LBX2: variants seen among roughly 807,000 people sequenced by gnomAD.
The protein encoded by LBX2 is transcription factor LBX2.
Under a neutral mutation model 7.5 loss-of-function variants are expected in LBX2, and 6 were observed. The ratio of observed to expected loss-of-function variants is 0.80; its 90% CI spans 0.44 to 1.59. LBX2 has a LOEUF of 1.59. LBX2 is among the 40% of genes most tolerant of loss of function. LBX2 has a pLI of 0.01. For missense variants in LBX2, 281 were observed against 282.0 expected (o/e 1.00, Z 0.03); for synonymous variants, 143 against 133.2 (o/e 1.07, Z -0.51).
upstream of LBX2, chr2:74,502,728 G>A (rs750980355): frequency 1.9e-6 from 3 of 1,613,968 alleles, no homozygotes; most frequent in East Asian, 2.2e-5. The surrounding 1 kb of genome is among the most constrained non-coding windows in gnomAD (Gnocchi z 5.4). Flanking sequence ...AAAGATCTCT[G>A]CGCGCCCACC....
Position 74,497,613 on chromosome 2 carries a change from C to A in LBX2, c.*314G>T. 3.3e-6 allele frequency: 1 copy of A among 302,366 alleles called. No homozygotes were observed. The highest frequency in any genetic ancestry group is 6.0e-6 in the Non-Finnish European group (1 of 165,488). The allele number at this position is 302,366 out of a possible 1,614,324, so 18.7% of individuals were successfully genotyped here. ...TAAAAAAAAAAGTTTTTTAAATTAG[C>A]CTGGGGTGGTGCTGCACGCCTGTAA... On this transcript the variant is annotated 3_prime_UTR_variant, in exon 2 of 2. Transcript: ENST00000377566.
At position 74,499,381 on chromosome 2, in the gene LBX2, T is replaced by TA; in HGVS notation, c.156dup (p.Ser53Ter). ...GCGTCAAGTCCGCGGAAAGTTTTAC[T>TA]AGTCAGCTCCTCCAGCGCGCACAGC... On this transcript the variant is annotated frameshift_variant, in exon 1 of 2. Transcript: ENST00000377566. LOFTEE classifies it low-confidence loss of function (END_TRUNC). This position sits in a 1 kb window ranked among gnomAD's most constrained non-coding sequence, Gnocchi z 4.6. 6.4e-7 allele frequency: 1 copy of TA among 1,550,598 alleles called. No homozygotes were observed. The highest frequency in any genetic ancestry group is 8.7e-7 in the Non-Finnish European group (1 of 1,146,988).
At chr2:74,500,831 G>A (rs1023186796), upstream of LBX2, among the ~76,000 whole-genome samples, 1 of 152,198 alleles carries the variant, frequency 6.6e-6, no homozygotes, top group African/African-American at 2.4e-5. Context: ...CTGCTTTGCT[G>A]CCCAGGGAAG....
chr2:74,499,708 C>G, upstream of LBX2: 1 of 664,176 alleles, frequency 1.5e-6, no homozygotes, highest in Non-Finnish European at 2.5e-6. The surrounding 1 kb of genome is among the most constrained non-coding windows in gnomAD (Gnocchi z 4.6). Context: ...CCCCGGGCCG[C>G]GGTGGATCTG....
At position 74,499,407 on chromosome 2, in the gene LBX2, G is replaced by C. The variant is rs1027288439; in HGVS notation, c.131C>G (p.Pro44Arg). The C allele has an allele frequency of 1.0e-5, 16 of 1,550,530 alleles. No individual in the cohort carries two copies. The highest frequency in any genetic ancestry group is 1.7e-4 in the Middle Eastern group (1 of 6,014). The change falls in exon 1 of 2, where the codon CCG (proline) becomes CGG (arginine). Residue 44 changes from proline to arginine, a missense_variant. By Grantham distance (103) the Pro-to-Arg change is moderately radical. This residue lies in a region of LBX2 where 216 missense variants were observed against 208.7 expected (regional missense o/e 1.03). Coordinates refer to ENST00000377566, the MANE Select transcript of LBX2 (RefSeq NM_001282430.2). The surrounding 1 kb of genome is among the most constrained non-coding windows in gnomAD (Gnocchi z 4.6). ...LPESGPGPTS[P>R]LCALEELTSK... ...AGTCAGCTCCTCCAGCGCGCACAGC[G>C]GCGACGTTGGACCCGGACCCGACTC... is the stretch of plus-strand genomic sequence containing the variant.
In LBX2 at chr2:74,499,175, G is replaced by T; in HGVS notation, c.205+158C>A. The T allele has an allele frequency of 1.5e-6, 1 of 672,126 alleles. No individual in the cohort carries two copies. Among genetic ancestry groups the T allele is most frequent in the Non-Finnish European group, 2.6e-6 (1 of 390,336 alleles). 41.6% of individuals were successfully genotyped at this position (672,126 alleles called of 1,614,324 possible). A position where few individuals can be genotyped will look rare whatever the true frequency, so the allele number is the denominator to read the frequency against. Reference sequence around the variant, plus strand: ...GAACCTAGGGACTAACGGAGGAGAGGTGAGAAGTCGCAGGTGCGAGTCCTG... The same window carrying T: ...GAACCTAGGGACTAACGGAGGAGAGTTGAGAAGTCGCAGGTGCGAGTCCTG... On this transcript the variant is annotated intron_variant, in intron 1 of 1. Coordinates refer to ENST00000377566, the MANE Select transcript of LBX2 (RefSeq NM_001282430.2). This position sits in a 1 kb window ranked among gnomAD's most constrained non-coding sequence, Gnocchi z 4.6.
chr2:74,498,335 G>A lies in LBX2; in HGVS notation c.206-17C>T. Reference sequence around the variant, plus strand: ...CTGCCCGCCCTGTAGGGATAGGGAGGGGGTCAGTTTCCAGCCTCCGGGAAT... The same window carrying A: ...CTGCCCGCCCTGTAGGGATAGGGAGAGGGTCAGTTTCCAGCCTCCGGGAAT... On this transcript the variant is annotated splice_polypyrimidine_tract_variant and intron_variant, in intron 1 of 1. Transcript: ENST00000377566. The A allele has an allele frequency of 1.3e-6, 2 of 1,491,546 alleles. No individual in the cohort carries two copies. Among genetic ancestry groups the A allele is most frequent in the Non-Finnish European group, 1.8e-6 (2 of 1,125,166 alleles). The allele number at this position is 1,491,546 out of a possible 1,614,324, so 92.4% of individuals were successfully genotyped here.
At chr2:74,498,539 G>T in intron 1 of LBX2, 2 of 567,442 alleles carry the variant, frequency 3.5e-6, no homozygotes, top group Non-Finnish European at 6.2e-6. Context: ...AAGGCAGCAG[G>T]CTGAGGGCAT....
upstream of LBX2, chr2:74,499,742 G>T: frequency 1.6e-6 from 1 of 611,960 alleles, no homozygotes; most frequent in Non-Finnish European, 2.9e-6. The surrounding 1 kb of genome is among the most constrained non-coding windows in gnomAD (Gnocchi z 4.6). Context: ...TCCGGGGAGG[G>T]TATTTCTACA....
upstream of LBX2, chr2:74,502,583 C>T: frequency 1.5e-6 from 2 of 1,368,024 alleles, no homozygotes; most frequent in Non-Finnish European, 1.0e-6. The surrounding 1 kb of genome is among the most constrained non-coding windows in gnomAD (Gnocchi z 5.4). Flanking sequence ...GGCTTCCGTC[C>T]GTCCCGCACA....
chr2:74,502,518 T>C, upstream of LBX2: 1 of 730,886 alleles, frequency 1.4e-6, no homozygotes, highest in South Asian at 1.8e-5. The surrounding 1 kb of genome is among the most constrained non-coding windows in gnomAD (Gnocchi z 5.4). Context: ...TGAACCGGAG[T>C]GAGAGGGCAG....
upstream of LBX2, among the ~76,000 whole-genome samples, chr2:74,500,985 G>A (rs573541168): frequency 2.4e-4 from 36 of 152,234 alleles, no homozygotes; most frequent in African/African-American, 8.2e-4. Flanking sequence ...CTATTCCCTG[G>A]GGCAACTGCT....
Position 74,498,164 on chromosome 2 carries a change from C to G in LBX2, c.360G>C (p.Thr120=), listed in dbSNP as rs1166562780. 1 of 1,612,488 alleles carries G rather than the reference C, an allele frequency of 6.2e-7. No homozygotes were observed. The highest frequency in any genetic ancestry group is 8.5e-7 in the Non-Finnish European group (1 of 1,179,344). Residue 120 remains threonine, a synonymous_variant, in exon 2 of 2, where the codon ACG becomes ACC. Transcript: ENST00000377566. ...CCTGCGCGTTGGCCAGGCCGAGTCGCGTAGCTAGCCCGTCTCGCTCGGACG... is the reference window on the plus strand; with the variant it reads ...CCTGCGCGTTGGCCAGGCCGAGTCGGGTAGCTAGCCCGTCTCGCTCGGACG... The part of the protein sequence containing the change: ...LAPSERDGLA[T]RLGLANAQVV...
At chr2:74,498,415 G>C in intron 1 of LBX2, 97 bp from the exon 2 acceptor site, 1 of 907,754 alleles carries the variant, frequency 1.1e-6, no homozygotes, top group Non-Finnish European at 1.6e-6. Context: ...TGGCGGTGGG[G>C]GAAGTAGAGG....
At chr2:74,502,789 C>T (rs767955995), upstream of LBX2, 2 of 1,614,044 alleles carry the variant, frequency 1.2e-6, no homozygotes, top group South Asian at 1.1e-5. This position sits in a 1 kb window ranked among gnomAD's most constrained non-coding sequence, Gnocchi z 5.4. Context: ...TGGGAAACTC[C>T]GACGCCCTCC....
upstream of LBX2, chr2:74,499,793 C>T: frequency 3.5e-6 from 2 of 567,298 alleles, no homozygotes; most frequent in Admixed American, 3.1e-5. This position sits in a 1 kb window ranked among gnomAD's most constrained non-coding sequence, Gnocchi z 4.6. Flanking sequence ...ACCAAACTAC[C>T]CACCAGAGCA....
chr2:74,500,345 G>A (rs988798753), upstream of LBX2, among the ~76,000 whole-genome samples: 6 of 152,160 alleles, frequency 3.9e-5, no homozygotes, highest in Non-Finnish European at 8.8e-5. Context: ...CTTTGTCAGT[G>A]AGGACTGGCA....
Position 74,499,014 on chromosome 2 carries a change from G to A in LBX2, c.205+319C>T. On this transcript the variant is annotated intron_variant, in intron 1 of 1. Coordinates refer to ENST00000377566, the MANE Select transcript of LBX2 (RefSeq NM_001282430.2). This position sits in a 1 kb window ranked among gnomAD's most constrained non-coding sequence, Gnocchi z 4.6. ...GCTCACTCGTTTACCGCCTGCGGCTGAAGCCTTTTGTCTCTTTCTCTCCTG... is the reference window on the plus strand; with the variant it reads ...GCTCACTCGTTTACCGCCTGCGGCTAAAGCCTTTTGTCTCTTTCTCTCCTG... The A allele has an allele frequency of 2.5e-6, 1 of 407,594 alleles. No individual in the cohort carries two copies. The highest frequency in any genetic ancestry group is 4.3e-5 in the East Asian group (1 of 23,504). 25.2% of individuals were successfully genotyped at this position (407,594 alleles called of 1,614,324 possible). A position where few individuals can be genotyped will look rare whatever the true frequency, so the allele number is the denominator to read the frequency against.
chr2:74,498,144 G>T lies in LBX2; in HGVS notation c.380C>A (p.Ala127Glu), dbSNP rs752622328. The T allele has an allele frequency of 1.2e-6, 2 of 1,612,004 alleles. No homozygotes were observed. Among genetic ancestry groups the T allele is most frequent in the Middle Eastern group, 3.3e-4 (2 of 6,052 alleles). Residue 127 changes from alanine to glutamate, a missense_variant, in exon 2 of 2, where the codon GCG becomes GAG. By Grantham distance (107) the Ala-to-Glu change is moderately radical. This residue lies in a region of LBX2 where 216 missense variants were observed against 208.7 expected (regional missense o/e 1.03). Coordinates refer to ENST00000377566, the MANE Select transcript of LBX2 (RefSeq NM_001282430.2). ...GLATRLGLAN[A>E]QVVTWFQNRR... is the part of the protein sequence containing the mutation. ...GTTCTGGAACCAAGTGACCACCTGC[G>T]CGTTGGCCAGGCCGAGTCGCGTAGC...
Sources: gnomAD v4.1 joint callset for allele counts (sites outside exome capture counted in the v4.1 genomes callset) on GRCh38, gnomAD v4.1.1 for gene constraint, gnomAD v4.1.1 regional missense constraint, Gnocchi (gnomAD v3.1) non-coding constraint, MANE v1.5 for transcripts, NCBI Gene and HGNC (gene_info 2026-07-23, HGNC 2026-07-21) for gene names.